ITPKB: variants seen among roughly 807,000 people sequenced by gnomAD.
ITPKB encodes IP3 3-kinase B.
A neutral mutation model predicts 69.4 loss-of-function variants in ITPKB; 13 were observed. The observed-to-expected ratio is 0.19, with a 90% CI of 0.12 to 0.30. The LOEUF is 0.30. Ranked by LOEUF, ITPKB falls within the 10% of genes least tolerant of loss-of-function variation. ITPKB has a pLI of 1.00. For synonymous variants in ITPKB, 584 were observed against 513.7 expected, an observed-to-expected ratio of 1.14 and a Z score of -1.85; for missense variants, 1,240 against 1,250.5, an observed-to-expected ratio of 0.99 and a Z score of 0.13.
At chr1:226,708,592 T>C (rs534832065) in intron 2 of ITPKB, among the ~76,000 whole-genome samples, 38 of 152,150 alleles carry the variant, frequency 2.5e-4, no homozygotes, top group Non-Finnish European at 4.7e-4. Context: ...TATTATCATT[T>C]CCACACAGGA....
chr1:226,694,146 A>G (rs1226376392), intron 2 of ITPKB, among the ~76,000 whole-genome samples: 2 of 152,258 alleles, frequency 1.3e-5, no homozygotes, highest in Non-Finnish European at 2.9e-5. Context: ...TCATTAAGAA[A>G]AAGTTTCAAC....
At position 226,641,543 on chromosome 1, in the gene ITPKB, T is replaced by A. The variant is rs545469929; in HGVS notation, c.2451+378A>T. Among the ~76,000 whole-genome samples, 1 of 152,350 alleles carries A rather than the reference T, an allele frequency of 6.6e-6. No individual in the cohort carries two copies. Among genetic ancestry groups the A allele is most frequent in the South Asian group, 2.1e-4 (1 of 4,828 alleles). On this transcript the variant is annotated intron_variant, in intron 5 of 7. Transcript: ENST00000429204. This position sits in a 1 kb window ranked among gnomAD's most constrained non-coding sequence, Gnocchi z 4.6. ...ACATCAAAGGCGGTCAGCATGCTCC[T>A]CCCTTCCCCGAATTGTCTGCCAGTC...
chr1:226,675,865 C>T (rs1462685369), intron 2 of ITPKB, among the ~76,000 whole-genome samples: 2 of 152,208 alleles, frequency 1.3e-5, no homozygotes, highest in South Asian at 2.1e-4. Flanking sequence ...GGCTACACTT[C>T]CACCTGTGCA....
chr1:226,674,103 T>G (rs1330015703), intron 2 of ITPKB, among the ~76,000 whole-genome samples: 1 of 152,038 alleles, frequency 6.6e-6, no homozygotes, highest in Non-Finnish European at 1.5e-5. Flanking sequence ...GGTGATAGAG[T>G]TCCATGGATT....
intron 2 of ITPKB, among the ~76,000 whole-genome samples, chr1:226,673,288 T>C (rs926664264): frequency 3.3e-5 from 5 of 152,148 alleles, no homozygotes; most frequent in Admixed American, 6.5e-5. Context: ...GCAGGAGGAT[T>C]GCTTGAACAC....
At chr1:226,733,178 G>C (rs928918966) in intron 2 of ITPKB, among the ~76,000 whole-genome samples, 8 of 152,150 alleles carry the variant, frequency 5.3e-5, no homozygotes, top group African/African-American at 1.9e-4. Context: ...ATGTGTGAGG[G>C]CAAGTGTAAG....
intron 2 of ITPKB, among the ~76,000 whole-genome samples, chr1:226,664,346 T>C (rs1401754736): frequency 4.6e-5 from 7 of 152,226 alleles, no homozygotes; most frequent in African/African-American, 1.7e-4. Context: ...CTCACTAAGC[T>C]TGGGGCCTCT....
At position 226,736,580 on chromosome 1, in the gene ITPKB, CA is replaced by C. The variant is rs1657775841; in HGVS notation, c.878del (p.Leu293TrpfsTer8). 6.2e-7 allele frequency: 1 copy of C among 1,613,844 alleles called. No homozygotes were observed. The highest frequency in any genetic ancestry group is 1.1e-5 in the South Asian group (1 of 91,092). On this transcript the variant is annotated frameshift_variant, in exon 2 of 8. Coordinates refer to ENST00000429204, the MANE Select transcript of ITPKB (RefSeq NM_002221.4). LOFTEE classifies it high-confidence loss of function. Reference sequence around the variant, plus strand: ...TCGTTAAGCTAGCTCCGAACAGCCCCAATGAGGGAGCTAGGCAGCTCCGAGT... The same window carrying C: ...TCGTTAAGCTAGCTCCGAACAGCCCCATGAGGGAGCTAGGCAGCTCCGAGT... ...PGTRSCLAPS[L>X]GLFGASLTMA...
At chr1:226,643,154 C>T (rs1668997117) in intron 4 of ITPKB, among the ~76,000 whole-genome samples, 1 of 152,084 alleles carries the variant, frequency 6.6e-6, no homozygotes, top group African/African-American at 2.4e-5. Flanking sequence ...CTGGCGGGGA[C>T]CACCTAGACA....
At chr1:226,719,875 T>C (rs1247586941) in intron 2 of ITPKB, among the ~76,000 whole-genome samples, 2 of 152,216 alleles carry the variant, frequency 1.3e-5, no homozygotes, top group African/African-American at 2.4e-5. Context: ...CCCTTCTCCC[T>C]GTGGGAGGCA....
chr1:226,689,064 A>C (rs77565169), intron 2 of ITPKB, among the ~76,000 whole-genome samples: 2,922 of 152,276 alleles, frequency 0.019, 105 homozygotes, highest in African/African-American at 0.067. Context: ...TAGCTTTATG[A>C]AAATTCCTAA....
intron 2 of ITPKB, among the ~76,000 whole-genome samples, chr1:226,701,287 C>T (rs781719476): frequency 6.6e-6 from 1 of 152,154 alleles, no homozygotes; most frequent in Non-Finnish European, 1.5e-5. Context: ...GTGCTAACAT[C>T]TTCCTAACAA....
intron 2 of ITPKB, among the ~76,000 whole-genome samples, chr1:226,686,949 A>G (rs1656229479): frequency 6.6e-6 from 1 of 152,216 alleles, no homozygotes; most frequent in African/African-American, 2.4e-5. Flanking sequence ...CTGTGCTGTG[A>G]CAACAGAAGT....
chr1:226,700,759 AC>A (rs1477004429), intron 2 of ITPKB, among the ~76,000 whole-genome samples: 1 of 152,140 alleles, frequency 6.6e-6, no homozygotes, highest in Non-Finnish European at 1.5e-5. Flanking sequence ...GCAGAACACC[AC>A]CTTCTGAGCC....
chr1:226,658,528 TAA>T (rs1669339071), intron 2 of ITPKB, among the ~76,000 whole-genome samples: 1 of 152,062 alleles, frequency 6.6e-6, no homozygotes, highest in Non-Finnish European at 1.5e-5. Flanking sequence ...CAGCTAAAAA[TAA>T]AAGTCTGGAT....
At chr1:226,673,023 A>G (rs1669649017) in intron 2 of ITPKB, among the ~76,000 whole-genome samples, 1 of 152,224 alleles carries the variant, frequency 6.6e-6, no homozygotes, top group Non-Finnish European at 1.5e-5. Context: ...AGTGGTGAAG[A>G]CACTCTAAAA....
chr1:226,691,450 G>A (rs1001165837), intron 2 of ITPKB, among the ~76,000 whole-genome samples: 21 of 152,140 alleles, frequency 1.4e-4, no homozygotes, highest in Middle Eastern at 3.4e-3. Context: ...TTCTAAAATC[G>A]GCCCCAGAAA....
intron 2 of ITPKB, chr1:226,674,830 T>C (rs1669695306): frequency 1.3e-5 from 2 of 152,326 alleles, no homozygotes; most frequent in East Asian, 3.9e-4. Flanking sequence ...AAGATTTTCG[T>C]GTCTATTCTG....
rs139323871 is a variant in ITPKB, at chr1:226,684,036, T to G, written c.1933-35265A>C. ...CTGACAAACCATCTGACTTTCTGAGTGTCAGGGAAATTTCCAATCCAAAGA... is the reference window on the plus strand; with the variant it reads ...CTGACAAACCATCTGACTTTCTGAGGGTCAGGGAAATTTCCAATCCAAAGA... On this transcript the variant is annotated intron_variant, in intron 2 of 7. Transcript: ENST00000429204. Among the ~76,000 whole-genome samples, 480 of 152,112 alleles carry G rather than the reference T, an allele frequency of 3.2e-3. 3 individuals carry two copies. The highest frequency in any genetic ancestry group is 0.011 in the African/African-American group (454 of 41,486).
Sources: allele counts gnomAD v4.1 joint callset (sites outside exome capture counted in the v4.1 genomes callset), GRCh38; gene constraint gnomAD v4.1.1; non-coding constraint Gnocchi (gnomAD v3.1); transcripts MANE v1.5; gene names NCBI Gene and HGNC (gene_info 2026-07-23, HGNC 2026-07-21).